Variants in CRIM1 observed in about 807,000 individuals in gnomAD.
The protein encoded by CRIM1 is cysteine rich transmembrane BMP regulator 1.
Under a neutral mutation model 116.4 loss-of-function variants are expected in CRIM1, and 32 were observed. That is an observed-to-expected ratio of 0.27 (90% CI 0.21 to 0.37). The LOEUF is 0.37. CRIM1 is among the 10% of genes least tolerant of loss of function. CRIM1 has a pLI of 1.00. For missense variants in CRIM1, 1,331 were observed against 1,354.8 expected (o/e 0.98, Z 0.28); for synonymous variants, 590 against 509.2 (o/e 1.16, Z -2.13).
At position 36,497,657 on chromosome 2, in the gene CRIM1, T is replaced by A. The variant is rs190033053; in HGVS notation, c.1373-1562T>A. Among the ~76,000 whole-genome samples the A allele has an allele frequency of 9.9e-5, 15 of 152,276 alleles. No individual in the cohort carries two copies. The East Asian group carries it at 2.7e-3, about 27-fold the overall frequency. ...ATCAGTGAAAAGTTTATATAAAAAT[T>A]TTAGTAAGATGCTGTTCTTTGTAAT... is the stretch of plus-strand genomic sequence containing the variant. On this transcript the variant is annotated intron_variant, in intron 7 of 16. Coordinates refer to ENST00000280527, the MANE Select transcript of CRIM1 (RefSeq NM_016441.3).
At position 36,427,210 on chromosome 2, in the gene CRIM1, AAAG is replaced by A. The variant is rs559807032; in HGVS notation, c.506-14045_506-14043del. Among the ~76,000 whole-genome samples, 862 of 152,032 alleles carry A rather than the reference AAAG, an allele frequency of 5.7e-3. 3 individuals are homozygous for A. Among genetic ancestry groups the A allele is most frequent in the Middle Eastern group, 0.017 (5 of 294 alleles). Reference sequence around the variant, plus strand: ...AGTGAAACTCTGTCTCAAAAAAAAAAAAGAAAGAAAAGAAAAAGAAGAGGAGAA... The same window carrying A: ...AGTGAAACTCTGTCTCAAAAAAAAAAAAAGAAAAGAAAAAGAAGAGGAGAA... On this transcript the variant is annotated intron_variant, in intron 2 of 16. Coordinates refer to ENST00000280527, the MANE Select transcript of CRIM1 (RefSeq NM_016441.3).
intron 7 of CRIM1, among the ~76,000 whole-genome samples, chr2:36,490,254 T>C (rs1442570795): frequency 6.6e-6 from 1 of 152,204 alleles, no homozygotes; most frequent in African/African-American, 2.4e-5. Context: ...AGAAGTAATG[T>C]TGCTGTCACC....
intron 1 of CRIM1, chr2:36,378,809 T>TTG (rs1670514800): frequency 6.8e-6 from 1 of 147,278 alleles, no homozygotes; most frequent in South Asian, 2.2e-4. Flanking sequence ...GTTTTCGGTT[T>TTG]TTTTTTTTTT....
intron 4 of CRIM1, among the ~76,000 whole-genome samples, chr2:36,457,791 T>G (rs980246869): frequency 4.0e-5 from 6 of 151,876 alleles, no homozygotes; most frequent in Non-Finnish European, 2.9e-5. Context: ...CTGGAAAGAG[T>G]AAGAAATTTA....
chr2:36,495,855 T>C (rs2125078081), intron 7 of CRIM1, among the ~76,000 whole-genome samples: 1 of 152,278 alleles, frequency 6.6e-6, no homozygotes, highest in South Asian at 2.1e-4. Context: ...TGTGAGATTT[T>C]TTTCTAGATA....
chr2:36,540,837 G>A (rs1404702824), intron 14 of CRIM1, among the ~76,000 whole-genome samples: 2 of 152,206 alleles, frequency 1.3e-5, no homozygotes, highest in East Asian at 3.9e-4. Context: ...AATTCAGGTA[G>A]TGGTGGTAGA....
intron 8 of CRIM1, among the ~76,000 whole-genome samples, chr2:36,507,016 C>T (rs1681480616): frequency 6.6e-6 from 1 of 152,098 alleles, no homozygotes; most frequent in African/African-American, 2.4e-5. Flanking sequence ...CTCACCACCA[C>T]ACCCAGCTAA....
Position 36,379,864 on chromosome 2 carries a change from A to C in CRIM1, c.332-16750A>C, listed in dbSNP as rs77247452. 2.7e-4 allele frequency among the ~76,000 whole-genome samples: 41 copies of C among 150,474 alleles called. No homozygotes were observed. In the East Asian group the frequency reaches 8.0e-3, roughly 30 times the overall value. On this transcript the variant is annotated intron_variant, in intron 1 of 16. Coordinates refer to ENST00000280527, the MANE Select transcript of CRIM1 (RefSeq NM_016441.3). ...ACCCACAGACTGACTTTGTGGTCAAACTTTACTCATAAGGATTTATTAAAA... is the reference window on the plus strand; with the variant it reads ...ACCCACAGACTGACTTTGTGGTCAACCTTTACTCATAAGGATTTATTAAAA...
rs767032984 is a variant in CRIM1 at position 36,517,549 on chromosome 2, G to A, written c.2206+7G>A. 4.7e-5 allele frequency: 75 copies of A among 1,604,834 alleles called. No homozygotes were observed. The highest frequency in any genetic ancestry group is 1.8e-4 in the Middle Eastern group (1 of 5,452). On this transcript the variant is annotated splice_region_variant and intron_variant, in intron 12 of 16. Transcript: ENST00000280527. ...TGCTGCCCACAGTGTACAGGTAAGC[G>A]ACACCATGCCTTGTGGGTGCTTGGT...
At chr2:36,546,682 A>G (rs1254719181) in intron 15 of CRIM1, among the ~76,000 whole-genome samples, 5 of 151,890 alleles carry the variant, frequency 3.3e-5, no homozygotes, top group African/African-American at 1.2e-4. Context: ...CACTTTTTCA[A>G]AATCTACCTA....
At chr2:36,447,990 C>G (rs945215556) in intron 4 of CRIM1, among the ~76,000 whole-genome samples, 2 of 152,180 alleles carry the variant, frequency 1.3e-5, no homozygotes, top group Admixed American at 6.5e-5. Context: ...ATTTGGCAGT[C>G]CACCCAGGAG....
At chr2:36,491,099 T>G (rs1246664683) in intron 7 of CRIM1, among the ~76,000 whole-genome samples, 2 of 152,216 alleles carry the variant, frequency 1.3e-5, no homozygotes, top group East Asian at 3.9e-4. Flanking sequence ...ATAACACTTT[T>G]TATTTGGCAT....
chr2:36,452,573 G>C (rs1676818115), intron 4 of CRIM1, among the ~76,000 whole-genome samples: 1 of 152,142 alleles, frequency 6.6e-6, no homozygotes, highest in African/African-American at 2.4e-5. Context: ...TGCTTTCCTA[G>C]AAGTAAAGCC....
intron 1 of CRIM1, among the ~76,000 whole-genome samples, chr2:36,370,120 T>C (rs1202171853): frequency 1.3e-5 from 2 of 152,184 alleles, no homozygotes; most frequent in East Asian, 1.9e-4. Context: ...TTAAACTGCC[T>C]GTTAATTGGG....
chr2:36,380,874 G>T (rs1454351892), intron 1 of CRIM1, among the ~76,000 whole-genome samples: 1 of 152,184 alleles, frequency 6.6e-6, no homozygotes, highest in Non-Finnish European at 1.5e-5. Context: ...ATAAAAGTTT[G>T]TCATGTTCTC....
chr2:36,437,836 A>T (rs1308589178), intron 2 of CRIM1, among the ~76,000 whole-genome samples: 1 of 152,100 alleles, frequency 6.6e-6, no homozygotes, highest in Admixed American at 6.5e-5. Context: ...AAAAGAACTT[A>T]AAGAGTGGGA....
chr2:36,410,866 G>T (rs898949500), intron 2 of CRIM1, among the ~76,000 whole-genome samples: 3 of 152,248 alleles, frequency 2.0e-5, no homozygotes, highest in East Asian at 3.9e-4. Flanking sequence ...TTAACGTGGC[G>T]TCTGCAAGTA....
intron 12 of CRIM1, among the ~76,000 whole-genome samples, chr2:36,520,375 G>A (rs983761905): frequency 4.6e-5 from 7 of 152,194 alleles, no homozygotes; most frequent in African/African-American, 1.7e-4. Flanking sequence ...AGATTTGCAG[G>A]GCCTAGTGTG....
intron 7 of CRIM1, among the ~76,000 whole-genome samples, chr2:36,484,733 G>A (rs1679690214): frequency 6.6e-6 from 1 of 152,180 alleles, no homozygotes; most frequent in African/African-American, 2.4e-5. Flanking sequence ...AGGAGCTGAT[G>A]ATTTTGATGA....
Sources: gnomAD v4.1 joint callset for allele counts (sites outside exome capture counted in the v4.1 genomes callset) on GRCh38, gnomAD v4.1.1 for gene constraint, MANE v1.5 for transcripts, NCBI Gene and HGNC (gene_info 2026-07-23, HGNC 2026-07-21) for gene names.